The following KHDRBS1 variants were observed in gnomAD, a reference collection of about 807,000 sequenced individuals.
The protein encoded by KHDRBS1 is KH RNA binding domain containing, signal transduction associated 1.
A neutral mutation model predicts 48.4 loss-of-function variants in KHDRBS1; 7 were observed. That is an observed-to-expected ratio of 0.14 (90% CI 0.08 to 0.27). The LOEUF is 0.27. KHDRBS1 is among the 10% of genes least tolerant of loss of function. The pLI, the probability that KHDRBS1 is intolerant of heterozygous loss-of-function variation, is 1.00. For missense variants in KHDRBS1, 458 were observed against 601.2 expected (o/e 0.76, Z 2.49); for synonymous variants, 241 against 235.8 (o/e 1.02, Z -0.20).
At chr1:32,014,438 G>T in intron 1 of KHDRBS1, 61 bp downstream of exon 1, 2 of 1,267,102 alleles carry the variant, frequency 1.6e-6, no homozygotes, top group Non-Finnish European at 2.0e-6. Context: ...AGTGGCCCTG[G>T]CTTTGTTCCT....
rs145047876 is a variant in KHDRBS1 at position 32,036,110 on chromosome 1, T to C, written c.772-800T>C. Among the ~76,000 whole-genome samples, 71 of 152,210 alleles carry C rather than the reference T, an allele frequency of 4.7e-4. 1 individual carries two copies. The East Asian group carries it at 0.012, about 26-fold the overall frequency. ...TGATGTATACTCCTTGAGTCTGTTT[T>C]CTTAACTGTAAAATGTGGAGATCTG... On this transcript the variant is annotated intron_variant, in intron 4 of 8. Transcript: ENST00000327300.
chr1:32,018,984 A>C (rs1328928784), intron 1 of KHDRBS1, among the ~76,000 whole-genome samples: 2 of 150,534 alleles, frequency 1.3e-5, no homozygotes, highest in African/African-American at 4.9e-5. Flanking sequence ...AATTCCAGCT[A>C]CTCAGGAGGC....
intron 10 of KHDRBS1, among the ~76,000 whole-genome samples, chr1:32,053,963 A>G (rs1185150150): frequency 6.6e-6 from 1 of 152,142 alleles, no homozygotes. Flanking sequence ...GCATGCCTGT[A>G]ATCCTGGCTA....
At chr1:32,038,527 C>A in intron 6 of KHDRBS1, 25 bp from the exon 7 acceptor site, 1 of 1,609,746 alleles carries the variant, frequency 6.2e-7, no homozygotes, top group South Asian at 1.1e-5. Context: ...TCTTTTATTT[C>A]ATTTTTTTGT....
intron 10 of KHDRBS1, among the ~76,000 whole-genome samples, chr1:32,053,143 T>C (rs532809493): frequency 2.0e-4 from 31 of 152,118 alleles, no homozygotes; most frequent in Non-Finnish European, 3.7e-4. Flanking sequence ...ACAGCAAGAC[T>C]CTGTCTCAAA....
At position 32,037,832 on chromosome 1, in the gene KHDRBS1, T is replaced by C; in HGVS notation, c.906-3T>C. On this transcript the variant is annotated splice_region_variant and splice_polypyrimidine_tract_variant and intron_variant, in intron 5 of 8. Coordinates refer to ENST00000327300, the MANE Select transcript of KHDRBS1 (RefSeq NM_006559.3). The stretch of plus-strand genomic sequence containing the variant: ...CCATTTAAGATAAACTTTCATTTTG[T>C]AGGGGCCGTGGTGTTGGACCACCTC... 1.2e-6 allele frequency: 2 copies of C among 1,610,250 alleles called. No homozygotes were observed. Among genetic ancestry groups the C allele is most frequent in the Non-Finnish European group, 1.7e-6 (2 of 1,176,766 alleles).
chr1:32,031,673 C>T (rs1639082196), intron 3 of KHDRBS1, 33 bp downstream of exon 3: 3 of 1,350,702 alleles, frequency 2.2e-6, no homozygotes, highest in Middle Eastern at 1.8e-4. Flanking sequence ...AGAGGACATC[C>T]TAATGCCTTC....
At chr1:32,058,718 G>A (rs866125304) in intron 10 of KHDRBS1, among the ~76,000 whole-genome samples, 4 of 152,080 alleles carry the variant, frequency 2.6e-5, no homozygotes, top group East Asian at 1.9e-4. Context: ...CAGGAGGATC[G>A]CTTGAGCCAA....
At chr1:32,025,496 T>A (rs1462480871) in intron 1 of KHDRBS1, among the ~76,000 whole-genome samples, 1 of 151,182 alleles carries the variant, frequency 6.6e-6, no homozygotes, top group Admixed American at 6.6e-5. Flanking sequence ...AGATGGGGTT[T>A]CACTGTATTG....
chr1:32,056,999 G>A (rs1164362080), intron 10 of KHDRBS1, among the ~76,000 whole-genome samples: 1 of 152,066 alleles, frequency 6.6e-6, no homozygotes, highest in Non-Finnish European at 1.5e-5. Context: ...ACAAAGAAAA[G>A]AACAGGGTGC....
Position 32,030,303 on chromosome 1 carries a change from G to C in KHDRBS1, c.388G>C (p.Glu130Gln). ...AAATTGTTTTTCCTATTCAGAAATT[G>C]AGAAGATTCAGAAAGGAGACTCAAA... ...HAMQLLTAEI[E>Q]KIQKGDSKKD... Residue 130 changes from glutamate (E) to glutamine (Q), a missense_variant, in exon 2 of 9, where the codon GAG becomes CAG. This residue lies in a region of KHDRBS1 where 213 missense variants were observed against 215.6 expected (regional missense o/e 0.99). Transcript: ENST00000327300. 1 of 1,600,912 alleles carries C rather than the reference G, an allele frequency of 6.2e-7. No individual in the cohort carries two copies. Among genetic ancestry groups the C allele is most frequent in the Non-Finnish European group, 8.5e-7 (1 of 1,175,684 alleles).
chr1:32,032,310 C>CT (rs1180350583), intron 3 of KHDRBS1, among the ~76,000 whole-genome samples: 1 of 152,204 alleles, frequency 6.6e-6, no homozygotes, highest in Non-Finnish European at 1.5e-5. Context: ...TTCAACCCTC[C>CT]TTTTATGTAG....
At chr1:32,044,254 C>T (rs1350056700), downstream of KHDRBS1, among the ~76,000 whole-genome samples, 1 of 152,218 alleles carries the variant, frequency 6.6e-6, no homozygotes, top group African/African-American at 2.4e-5. Flanking sequence ...CCCTAGGTGG[C>T]TCTAAAGTGT....
intron 10 of KHDRBS1, among the ~76,000 whole-genome samples, chr1:32,055,985 G>T (rs138444656): frequency 1.3e-5 from 2 of 152,056 alleles, no homozygotes; most frequent in East Asian, 1.9e-4. Flanking sequence ...TGTTTGTTTC[G>T]AATGTACTTT....
At chr1:32,018,260 A>G (rs1638783232) in intron 1 of KHDRBS1, among the ~76,000 whole-genome samples, 1 of 151,468 alleles carries the variant, frequency 6.6e-6, no homozygotes, top group African/African-American at 2.4e-5. Flanking sequence ...GGAGTTCGAG[A>G]CCAGCCTGGC....
chr1:32,013,923 C>G lies in KHDRBS1; in HGVS notation c.-73C>G. 2 of 1,329,380 alleles carry G rather than the reference C, an allele frequency of 1.5e-6. No individual in the cohort carries two copies. The highest frequency in any genetic ancestry group is 1.9e-6 in the Non-Finnish European group (2 of 1,037,428). 82.3% of individuals were successfully genotyped at this position (1,329,380 alleles called of 1,614,324 possible). On this transcript the variant is annotated 5_prime_UTR_variant, in exon 1 of 9. Transcript: ENST00000327300. ...TCGCTACCGCTCCCGCTCTGCCACC[C>G]CCGCCAACCGCCGCTCGGGCCTCCG... is the stretch of plus-strand genomic sequence containing the variant.
chr1:32,040,327 A>G (rs1270960390), intron 8 of KHDRBS1, among the ~76,000 whole-genome samples: 1 of 152,074 alleles, frequency 6.6e-6, no homozygotes, highest in Non-Finnish European at 1.5e-5. Context: ...GAGGCATGAG[A>G]ATCACTTGAA....
At chr1:32,034,906 G>A (rs753556356) in intron 4 of KHDRBS1, among the ~76,000 whole-genome samples, 14 of 151,736 alleles carry the variant, frequency 9.2e-5, no homozygotes, top group Non-Finnish European at 1.2e-4. Context: ...GTATGAACCC[G>A]GGAGGCGGAG....
chr1:32,020,463 T>G (rs867973374), intron 1 of KHDRBS1, among the ~76,000 whole-genome samples: 1 of 152,024 alleles, frequency 6.6e-6, no homozygotes, highest in African/African-American at 2.4e-5. Flanking sequence ...AACAGTTGCA[T>G]TCTTGGGTAT....
Sources: gnomAD v4.1 joint callset for allele counts (sites outside exome capture counted in the v4.1 genomes callset) on GRCh38, gnomAD v4.1.1 for gene constraint, gnomAD v4.1.1 regional missense constraint, MANE v1.5 for transcripts, NCBI Gene and HGNC (gene_info 2026-07-23, HGNC 2026-07-21) for gene names.